Variants in GFI1 observed in about 807,000 individuals in gnomAD.
GFI1 encodes the protein growth factor independent 1 transcriptional repressor.
GFI1 carries 15 observed loss-of-function variants against 39.2 expected under a neutral mutation model. The ratio of observed to expected loss-of-function variants is 0.38; its 90% CI spans 0.26 to 0.59. The LOEUF (loss-of-function observed/expected upper bound fraction) is 0.59, where lower values mean the gene tolerates loss of function less well. GFI1 is among the 20% of genes least tolerant of loss of function. The probability of loss-of-function intolerance (pLI) is 0.62; values close to 1 mark genes in which losing one functional copy is unlikely to be tolerated. For synonymous variants in GFI1, 239 were observed against 254.3 expected, an observed-to-expected ratio of 0.94 and a Z score of 0.57; for missense variants, 475 against 574.0, an observed-to-expected ratio of 0.83 and a Z score of 1.76.
rs557109295 is a variant in GFI1, at chr1:92,473,826, C to T, written c.*2203G>A. On this transcript the variant is annotated 3_prime_UTR_variant, in exon 7 of 7. Transcript: ENST00000294702. ...ATCTCAGTAAATATTTATTAATCTCCTACTGTGTGCCAGGCACTATTCTGG... is the reference window on the plus strand; with the variant it reads ...ATCTCAGTAAATATTTATTAATCTCTTACTGTGTGCCAGGCACTATTCTGG... Among the ~76,000 whole-genome samples the T allele has an allele frequency of 8.9e-4, 136 of 152,308 alleles. 1 individual carries two copies. Among genetic ancestry groups the T allele is most frequent in the African/African-American group, 2.7e-3 (114 of 41,552 alleles).
chr1:92,482,972 C>G lies in GFI1; in HGVS notation c.190G>C (p.Ala64Pro), dbSNP rs1231695143. Reference sequence around the variant, plus strand: ...GGGGATGCGGAGGCTCTGTCTGGGGCTTCGGTCAGCTGCGATTCGGGGGAC... The same window carrying G: ...GGGGATGCGGAGGCTCTGTCTGGGGGTTCGGTCAGCTGCGATTCGGGGGAC... ...RLSPESQLTE[A>P]PDRASASPDS... Residue 64 changes from alanine (A) to proline (P), a missense_variant, in exon 3 of 7, where the codon GCC (alanine) becomes CCC (proline). Physicochemically the swap from Ala to Pro is conservative, Grantham distance 27. Around this residue, in one of 4 missense-constraint regions of GFI1, gnomAD observed 275 missense variants for 275.8 expected, o/e 1.00. Transcript: ENST00000294702. The surrounding 1 kb of genome is among the most constrained non-coding windows in gnomAD (Gnocchi z 4.4). 1.9e-6 allele frequency: 3 copies of G among 1,612,808 alleles called. No homozygotes were observed. In the South Asian group the frequency reaches 3.3e-5, roughly 18 times the overall value.
chr1:92,476,431 G>T (rs1009798624), intron 6 of GFI1, among the ~76,000 whole-genome samples: 12 of 152,160 alleles, frequency 7.9e-5, no homozygotes, highest in Non-Finnish European at 1.6e-4. Flanking sequence ...CTTTCTGAAG[G>T]GGGGTTCCCA....
In GFI1 at chr1:92,480,145, G is replaced by T. The variant is rs909946955; in HGVS notation, c.924+203C>A. 1.3e-5 allele frequency among the ~76,000 whole-genome samples: 2 copies of T among 152,198 alleles called. No homozygotes were observed. Among genetic ancestry groups the T allele is most frequent in the Non-Finnish European group, 2.9e-5 (2 of 68,028 alleles). ...CAGTGGTGTGACACCAAAATCCAGG[G>T]CTGCCTCAAGGCCTGAGCCGGCCAC... On this transcript the variant is annotated intron_variant, in intron 5 of 6. Transcript: ENST00000294702. This position sits in a 1 kb window ranked among gnomAD's most constrained non-coding sequence, Gnocchi z 5.6.
rs1557672599 is a variant in GFI1 at position 92,483,525 on chromosome 1, C to A, written c.-38G>T. Reference sequence around the variant, plus strand: ...CTTTCCCCACTGCGCCCCAAGAGTCCCTGGAGCCGCTGTCACCCACGGTCA... The same window carrying A: ...CTTTCCCCACTGCGCCCCAAGAGTCACTGGAGCCGCTGTCACCCACGGTCA... On this transcript the variant is annotated 5_prime_UTR_variant, in exon 2 of 7. Transcript: ENST00000294702. 1 of 1,222,564 alleles carries A rather than the reference C, an allele frequency of 8.2e-7. No individual in the cohort carries two copies. Among genetic ancestry groups the A allele is most frequent in the Non-Finnish European group, 1.2e-6 (1 of 836,738 alleles). 75.7% of individuals were successfully genotyped at this position (1,222,564 alleles called of 1,614,324 possible).
At position 92,481,184 on chromosome 1, in the gene GFI1, G is replaced by T. The variant is rs981439063; in HGVS notation, c.299-96C>A. Reference sequence around the variant, plus strand: ...CGAGCGTGGCGTGTTCGCGGACTGCGGGGCACCCAGCGCTTGTAGAACACT... The same window carrying T: ...CGAGCGTGGCGTGTTCGCGGACTGCTGGGCACCCAGCGCTTGTAGAACACT... On this transcript the variant is annotated intron_variant, in intron 3 of 6. Coordinates refer to ENST00000294702, the MANE Select transcript of GFI1 (RefSeq NM_005263.5). This position sits in a 1 kb window ranked among gnomAD's most constrained non-coding sequence, Gnocchi z 4.3. 9.2e-7 allele frequency: 1 copy of T among 1,081,100 alleles called. No homozygotes were observed. Among genetic ancestry groups the T allele is most frequent in the African/African-American group, 1.6e-5 (1 of 64,004 alleles). 67.0% of individuals were successfully genotyped at this position (1,081,100 alleles called of 1,614,324 possible). A position where few individuals can be genotyped will look rare whatever the true frequency, so the allele number is the denominator to read the frequency against.
intron 6 of GFI1, among the ~76,000 whole-genome samples, chr1:92,476,723 G>GA (rs144712872): frequency 0.017 from 2,553 of 152,136 alleles, 88 homozygotes; most frequent in African/African-American, 0.058. Flanking sequence ...GATTATATCT[G>GA]AAAAAACATC....
At chr1:92,483,132 G>T (rs1658358309) in intron 2 of GFI1, 86 bp from the exon 3 acceptor site, 2 of 1,262,504 alleles carry the variant, frequency 1.6e-6, no homozygotes, top group Non-Finnish European at 2.2e-6. Context: ...CCCGACCAGG[G>T]CAGCCGAGCG....
chr1:92,482,959 G>A lies in GFI1; in HGVS notation c.203C>T (p.Ala68Val), dbSNP rs1343917897. The change falls in exon 3 of 7, where the codon GCC (alanine) becomes GTC (valine). Residue 68 changes from alanine (A) to valine (V), a missense_variant. Physicochemically the swap from Ala to Val is moderately conservative, Grantham distance 64. Coordinates refer to ENST00000294702, the MANE Select transcript of GFI1 (RefSeq NM_005263.5). This position sits in a 1 kb window ranked among gnomAD's most constrained non-coding sequence, Gnocchi z 4.4. ...TTCGCAGCTGTCTGGGGATGCGGAG[G>A]CTCTGTCTGGGGCTTCGGTCAGCTG... is the stretch of plus-strand genomic sequence containing the variant. ...ESQLTEAPDRASASPDSCEGS... is the reference protein window; with the variant it reads ...ESQLTEAPDRVSASPDSCEGS... The A allele has an allele frequency of 1.2e-6, 2 of 1,613,506 alleles. No individual in the cohort carries two copies. The highest frequency in any genetic ancestry group is 2.2e-5 in the East Asian group (1 of 44,880).
chr1:92,480,962 C>A lies in GFI1; in HGVS notation c.425G>T (p.Cys142Phe), dbSNP rs1274710999. Residue 142 changes from cysteine (C) to phenylalanine (F), a missense_variant, in exon 4 of 7, where the codon TGT becomes TTT. Coordinates refer to ENST00000294702, the MANE Select transcript of GFI1 (RefSeq NM_005263.5). This position sits in a 1 kb window ranked among gnomAD's most constrained non-coding sequence, Gnocchi z 5.6. The part of the protein sequence containing the change: ...LRHLVQSYRP[C>F]GALERGAGLG... ...GCCAGCGCCACGCTCCAGGGCCCCACACGGTCGGTAGCTCTGCACCAGGTG... is the reference window on the plus strand; with the variant it reads ...GCCAGCGCCACGCTCCAGGGCCCCAAACGGTCGGTAGCTCTGCACCAGGTG... 2 of 1,595,462 alleles carry A rather than the reference C, an allele frequency of 1.3e-6. No individual in the cohort carries two copies. Among genetic ancestry groups the A allele is most frequent in the Non-Finnish European group, 8.5e-7 (1 of 1,171,924 alleles).
Position 92,479,528 on chromosome 1 carries a change from G to A in GFI1, c.925-775C>T, listed in dbSNP as rs936870238. 2.0e-5 allele frequency among the ~76,000 whole-genome samples: 3 copies of A among 152,178 alleles called. No homozygotes were observed. The South Asian group carries it at 6.2e-4, about 32-fold the overall frequency. ...TTAAGTACTTGGCACCTGGAAGTTA[G>A]CCAACAAATATTTATTAATGAATGA... On this transcript the variant is annotated intron_variant, in intron 5 of 6. Transcript: ENST00000294702.
Position 92,481,670 on chromosome 1 carries a change from GAAGTT to G in GFI1, c.299-587_299-583del, listed in dbSNP as rs1275463083. Among the ~76,000 whole-genome samples the G allele has an allele frequency of 2.0e-5, 3 of 152,282 alleles. No individual in the cohort carries two copies. Among genetic ancestry groups the G allele is most frequent in the South Asian group, 2.1e-4 (1 of 4,832 alleles). On this transcript the variant is annotated intron_variant, in intron 3 of 6. Coordinates refer to ENST00000294702, the MANE Select transcript of GFI1 (RefSeq NM_005263.5). This position sits in a 1 kb window ranked among gnomAD's most constrained non-coding sequence, Gnocchi z 4.3. ...AAACCCGAAGGTATTAAGATTTCAC[GAAGTT>G]AAGTGCCCAGTGTACGTAGCAAAGG...
Position 92,481,160 on chromosome 1 carries a change from G to A in GFI1, c.299-72C>T. On this transcript the variant is annotated intron_variant, in intron 3 of 6. Transcript: ENST00000294702. This position sits in a 1 kb window ranked among gnomAD's most constrained non-coding sequence, Gnocchi z 4.3. ...GCGGAGGCCGCCGGGCTGCGGCTGC[G>A]AGCGTGGCGTGTTCGCGGACTGCGG... 2 of 1,347,298 alleles carry A rather than the reference G, an allele frequency of 1.5e-6. No homozygotes were observed. The highest frequency in any genetic ancestry group is 2.1e-6 in the Non-Finnish European group (2 of 958,898). The allele number at this position is 1,347,298 out of a possible 1,614,324, so 83.5% of individuals were successfully genotyped here.
At chr1:92,476,883 T>G (rs1327627583) in intron 6 of GFI1, among the ~76,000 whole-genome samples, 1 of 152,220 alleles carries the variant, frequency 6.6e-6, no homozygotes, top group Non-Finnish European at 1.5e-5. Context: ...GATACTTTAC[T>G]GTCTTGATTT....
chr1:92,476,333 G>T, intron 6 of GFI1, 126 bp from the exon 7 acceptor site: 2 of 848,962 alleles, frequency 2.4e-6, no homozygotes, highest in Non-Finnish European at 1.9e-6. Flanking sequence ...CAAGCAACTT[G>T]GAGGGTGACG....
rs1337834269 is a variant in GFI1 at position 92,480,423 on chromosome 1, G to C, written c.849C>G (p.Pro283=). 6.5e-7 allele frequency: 1 copy of C among 1,550,338 alleles called. No homozygotes were observed. The highest frequency in any genetic ancestry group is 1.4e-5 in the African/African-American group (1 of 73,034). The change falls in exon 5 of 7, where the codon CCC becomes CCG. Residue 283 remains proline, a synonymous_variant. Coordinates refer to ENST00000294702, the MANE Select transcript of GFI1 (RefSeq NM_005263.5). The surrounding 1 kb of genome is among the most constrained non-coding windows in gnomAD (Gnocchi z 5.6). The part of the protein sequence containing the change: ...HVRRSHSGTR[P]FACEMCGKTF... ...TCTTGCCGCACATCTCGCAGGCAAA[G>C]GGTCTGGTACCGCTGTGGGACCTGC...
Position 92,481,050 on chromosome 1 carries a change from G to C in GFI1, c.337C>G (p.Gln113Glu). 6.2e-7 allele frequency: 1 copy of C among 1,611,906 alleles called. No individual in the cohort carries two copies. The highest frequency in any genetic ancestry group is 1.7e-4 in the Middle Eastern group (1 of 6,056). The change falls in exon 4 of 7, where the codon CAG becomes GAG. Residue 113 changes from glutamine (Q) to glutamate (E), a missense_variant. Gln to Glu is a conservative substitution (Grantham distance 29). Transcript: ENST00000294702. The surrounding 1 kb of genome is among the most constrained non-coding windows in gnomAD (Gnocchi z 4.3). ...GGTTTGAAAGGCAGGGGGAAGGGCT[G>C]GGCTTCGTCCAGCGATGGGCACATT... ...KSMCPSLDEA[Q>E]PFPLPFKPYS...
intron 6 of GFI1, among the ~76,000 whole-genome samples, chr1:92,477,691 A>G (rs1286454983): frequency 6.6e-6 from 1 of 152,230 alleles, no homozygotes; most frequent in Non-Finnish European, 1.5e-5. Flanking sequence ...TCAGGATGGT[A>G]AGAGCAGCTC....
chr1:92,483,691 G>A (rs1346679682), intron 1 of GFI1, 105 bp from the exon 2 acceptor site: 6 of 620,992 alleles, frequency 9.7e-6, no homozygotes, highest in African/African-American at 5.4e-5. Context: ...GGCGCGCAGA[G>A]GGCCCACGGG....
chr1:92,485,648 C>T (rs1447972196), intron 1 of GFI1, among the ~76,000 whole-genome samples: 4 of 152,154 alleles, frequency 2.6e-5, no homozygotes, highest in Non-Finnish European at 4.4e-5. Context: ...GCGGCCCCTC[C>T]GCGCGCTCAG....
Sources: allele counts gnomAD v4.1 joint callset (sites outside exome capture counted in the v4.1 genomes callset), GRCh38; gene constraint gnomAD v4.1.1; regional missense constraint gnomAD v4.1.1; non-coding constraint Gnocchi (gnomAD v3.1); transcripts MANE v1.5; gene names NCBI Gene and HGNC (gene_info 2026-07-23, HGNC 2026-07-21).